The following SLC2A9 variants were observed in gnomAD, a reference collection of about 807,000 sequenced individuals.
The protein encoded by SLC2A9 is solute carrier family 2, facilitated glucose transporter member 9.
In SLC2A9, 39 loss-of-function variants were observed where a neutral mutation model predicts 50.6. The observed-to-expected ratio is 0.77, with a 90% confidence interval of 0.60 to 1.01. The LOEUF (loss-of-function observed/expected upper bound fraction) is 1.01, where lower values mean the gene tolerates loss of function less well. Among genes scored for constraint, SLC2A9 ranks in the 50% least tolerant of loss-of-function variants. The pLI, the probability that SLC2A9 is intolerant of heterozygous loss-of-function variation, is 0.00. For synonymous variants in SLC2A9, 324 were observed against 276.9 expected, an observed-to-expected ratio of 1.17 and a Z score of -1.69; for missense variants, 686 against 677.6, an observed-to-expected ratio of 1.01 and a Z score of -0.14.
chr4:10,033,077 A>T (rs1301559993), intron 1 of SLC2A9, among the ~76,000 whole-genome samples: 1 of 152,138 alleles, frequency 6.6e-6, no homozygotes, highest in Non-Finnish European at 1.5e-5. Flanking sequence ...TCACGTGCTG[A>T]GGAGTCTCTG....
At chr4:9,794,039 A>G (rs1720281523) in intron 3 of SLC2A9, among the ~76,000 whole-genome samples, 1 of 152,214 alleles carries the variant, frequency 6.6e-6, no homozygotes, top group Non-Finnish European at 1.5e-5. Context: ...CTCATCTCTA[A>G]TAATGAAACC....
intron 5 of SLC2A9, among the ~76,000 whole-genome samples, chr4:9,978,307 T>C (rs900545134): frequency 1.3e-5 from 2 of 152,056 alleles, no homozygotes; most frequent in Non-Finnish European, 2.9e-5. Context: ...AATGAATAAA[T>C]AAAGGGTGAA....
intron 8 of SLC2A9, 119 bp from the exon 9 acceptor site, chr4:9,890,830 C>T: frequency 1.2e-6 from 1 of 827,332 alleles, no homozygotes; most frequent in Non-Finnish European, 2.0e-6. Context: ...GACCCTGAGA[C>T]AGTTGGGCCA....
chr4:9,943,097 C>T (rs1183698494), intron 5 of SLC2A9, among the ~76,000 whole-genome samples: 1 of 152,196 alleles, frequency 6.6e-6, no homozygotes, highest in Non-Finnish European at 1.5e-5. Flanking sequence ...CCCCCAGCTG[C>T]CCGCTGGGAG....
chr4:9,911,165 C>T (rs1424404077), intron 7 of SLC2A9, among the ~76,000 whole-genome samples: 2 of 152,034 alleles, frequency 1.3e-5, no homozygotes, highest in South Asian at 4.1e-4. Context: ...AATAATAAAG[C>T]AATAAAAGCC....
intron 5 of SLC2A9, among the ~76,000 whole-genome samples, chr4:9,956,650 G>A (rs1252743493): frequency 2.0e-5 from 3 of 152,128 alleles, no homozygotes; most frequent in African/African-American, 4.8e-5. Flanking sequence ...TAATATGAAT[G>A]TCTCAGGCTT....
chr4:9,866,293 G>A (rs564166258), intron 10 of SLC2A9, among the ~76,000 whole-genome samples: 2 of 151,934 alleles, frequency 1.3e-5, no homozygotes, highest in Non-Finnish European at 2.9e-5. Context: ...CCTCTGTTGA[G>A]AACACTCTGG....
intron 3 of SLC2A9, among the ~76,000 whole-genome samples, chr4:9,811,232 C>T (rs1237851830): frequency 6.6e-6 from 1 of 152,086 alleles, no homozygotes; most frequent in Non-Finnish European, 1.5e-5. Context: ...CAAAGCTGGC[C>T]GTAGTAACTC....
intron 2 of SLC2A9, among the ~76,000 whole-genome samples, chr4:10,008,248 G>T (rs994651348): frequency 7.2e-5 from 11 of 152,216 alleles, no homozygotes; most frequent in Non-Finnish European, 1.5e-5. Flanking sequence ...TATCAAAGAG[G>T]CAGGCTGTCC....
chr4:9,992,392 C>T (rs1275213952), intron 3 of SLC2A9, among the ~76,000 whole-genome samples: 1 of 152,214 alleles, frequency 6.6e-6, no homozygotes, highest in Non-Finnish European at 1.5e-5. Context: ...TTGTCCCGTG[C>T]ATTGTAGGAT....
At chr4:9,959,888 G>T (rs1751974631) in intron 5 of SLC2A9, among the ~76,000 whole-genome samples, 1 of 152,166 alleles carries the variant, frequency 6.6e-6, no homozygotes, top group Non-Finnish European at 1.5e-5. Context: ...TTTCGGGGAG[G>T]GGCTGAGTCA....
At chr4:9,843,437 C>T (rs1398768351) in intron 10 of SLC2A9, among the ~76,000 whole-genome samples, 1 of 151,922 alleles carries the variant, frequency 6.6e-6, no homozygotes, top group Non-Finnish European at 1.5e-5. Flanking sequence ...TAATTAGGAG[C>T]ATGGAGTGGG....
intron 10 of SLC2A9, among the ~76,000 whole-genome samples, chr4:9,872,617 T>C (rs1042332963): frequency 6.6e-6 from 1 of 152,228 alleles, no homozygotes; most frequent in African/African-American, 2.4e-5. Context: ...GGGAAAGATA[T>C]ATATATTCTT....
At chr4:9,797,781 C>T (rs1720763384), downstream of SLC2A9, among the ~76,000 whole-genome samples, 1 of 152,214 alleles carries the variant, frequency 6.6e-6, no homozygotes, top group Non-Finnish European at 1.5e-5. Flanking sequence ...GACACTTTCT[C>T]CATGATCCTA....
chr4:9,943,666 T>C (rs1373004684), intron 5 of SLC2A9, among the ~76,000 whole-genome samples: 1 of 152,144 alleles, frequency 6.6e-6, no homozygotes, highest in East Asian at 1.9e-4. Flanking sequence ...TGTGTCATAG[T>C]TTGATCAAAA....
intron 10 of SLC2A9, among the ~76,000 whole-genome samples, chr4:9,858,094 T>C (rs1731011253): frequency 6.6e-6 from 1 of 152,204 alleles, no homozygotes; most frequent in African/African-American, 2.4e-5. Context: ...TAAAAGGGTT[T>C]ATTGTATTAT....
intron 2 of SLC2A9, among the ~76,000 whole-genome samples, chr4:10,001,599 C>A (rs1435222928): frequency 1.3e-5 from 2 of 152,206 alleles, no homozygotes; most frequent in Non-Finnish European, 2.9e-5. Flanking sequence ...CTCACCACTT[C>A]CACCATTCCA....
chr4:9,782,973 T>C lies in SLC2A9; in HGVS notation n.386-2908A>G, dbSNP rs150701938. 2.0e-5 allele frequency: 32 copies of C among 1,614,174 alleles called. No homozygotes were observed. The African/African-American group carries it at 2.4e-4, about 12-fold the overall frequency. On this transcript the variant is annotated intron_variant and non_coding_transcript_variant, in intron 3 of 3. Transcript: ENST00000503803. ...TGTTGCTGGCTGCCCTTCTTCATCC[T>C]TAACTGCATGGTCCCTTTCTGCAGT...
At chr4:9,991,184 C>T (rs554813763) in intron 3 of SLC2A9, among the ~76,000 whole-genome samples, 138 of 152,306 alleles carry the variant, frequency 9.1e-4, no homozygotes, top group Non-Finnish European at 1.4e-3. Context: ...CTGGCTCCTT[C>T]CCCTGCTGCT....
Sources: allele counts gnomAD v4.1 joint callset (sites outside exome capture counted in the v4.1 genomes callset), GRCh38; gene constraint gnomAD v4.1.1; transcripts MANE v1.5; gene names NCBI Gene and HGNC (gene_info 2026-07-23, HGNC 2026-07-21).